Variants in GGN observed in about 807,000 individuals in gnomAD.
GGN encodes gametogenetin.
In GGN, 27 loss-of-function variants were observed where a neutral mutation model predicts 35.5. The observed-to-expected ratio is 0.76, with a 90% CI of 0.56 to 1.05. The LOEUF (loss-of-function observed/expected upper bound fraction) is 1.05, where lower values mean the gene tolerates loss of function less well. Among genes scored for constraint, GGN ranks in the 50% least tolerant of loss-of-function variants. The pLI is 0.00. For missense variants in GGN, 1,006 were observed against 940.7 expected (o/e 1.07, Z -0.91); for synonymous variants, 425 against 444.1 (o/e 0.96, Z 0.54).
Position 38,386,318 on chromosome 19 carries a change from C to T in GGN, c.944G>A (p.Gly315Asp), listed in dbSNP as rs766333669. 1.9e-6 allele frequency: 3 copies of T among 1,611,590 alleles called. No homozygotes were observed. The highest frequency in any genetic ancestry group is 2.7e-5 in the African/African-American group (2 of 74,878). Residue 315 changes from glycine to aspartate, a missense_variant, in exon 3 of 4, where the codon GGT (glycine) becomes GAT (aspartate). By Grantham distance (94) the Gly-to-Asp change is moderately conservative (BLOSUM62 -1). Coordinates refer to ENST00000334928, the MANE Select transcript of GGN (RefSeq NM_152657.4). Reference protein sequence around the residue: ...VSRGAQEAEGGDGDGEGCSGP... With the variant: ...VSRGAQEAEGDDGDGEGCSGP... The stretch of plus-strand genomic sequence containing the variant: ...AGAGCACCCTTCGCCGTCTCCATCA[C>T]CTCCCTCGGCTTCCTGTGCCCCTCG...
rs1482386550 is a variant in GGN at position 38,385,788 on chromosome 19, G to C, written c.1474C>G (p.Gln492Glu). The change falls in exon 3 of 4, where the codon CAG becomes GAG. Residue 492 changes from glutamine (Q) to glutamate (E), a missense_variant. Gln to Glu is a conservative substitution (Grantham distance 29). Coordinates refer to ENST00000334928, the MANE Select transcript of GGN (RefSeq NM_152657.4). Reference sequence around the variant, plus strand: ...GGAGCCGGGGATGGGGCCGGGGCCTGGTCGGCGGCTAAGGCTGGGGGCAGA... The same window carrying C: ...GGAGCCGGGGATGGGGCCGGGGCCTCGTCGGCGGCTAAGGCTGGGGGCAGA... The part of the protein sequence containing the change: ...PALPPALAAD[Q>E]APAPSPAPAP... 1 of 1,552,610 alleles carries C rather than the reference G, an allele frequency of 6.4e-7. No individual in the cohort carries two copies. Among genetic ancestry groups the C allele is most frequent in the Non-Finnish European group, 8.7e-7 (1 of 1,153,848 alleles).
Position 38,385,239 on chromosome 19 carries a change from G to A in GGN, c.1841+182C>T, listed in dbSNP as rs114414569. Reference sequence around the variant, plus strand: ...TGGGCCAGGGTGTCCCCCTTTCCCCGTCAAAGGTCAGCATGGGATCATGGG... The same window carrying A: ...TGGGCCAGGGTGTCCCCCTTTCCCCATCAAAGGTCAGCATGGGATCATGGG... On this transcript the variant is annotated intron_variant, in intron 3 of 3. Transcript: ENST00000334928. Among the ~76,000 whole-genome samples the A allele has an allele frequency of 8.7e-3, 1,328 of 152,340 alleles. 21 individuals are homozygous for A. Among genetic ancestry groups the A allele is most frequent in the African/African-American group, 0.03 (1,229 of 41,568 alleles).
chr19:38,386,728 A>G lies in GGN; in HGVS notation c.534T>C (p.Pro178=), dbSNP rs1970733665. The G allele has an allele frequency of 2.5e-6, 4 of 1,608,806 alleles. No homozygotes were observed. Among genetic ancestry groups the G allele is most frequent in the Non-Finnish European group, 3.4e-6 (4 of 1,176,570 alleles). ...TGCGGTCCGCCGGCTGCCGTTCAGAAGGTAATGGTGGTGGCGGCTTCCAAG... is the reference window on the plus strand; with the variant it reads ...TGCGGTCCGCCGGCTGCCGTTCAGAGGGTAATGGTGGTGGCGGCTTCCAAG... ...LETWKPPPPL[P]SERQPADRRI... The change falls in exon 3 of 4, where the codon CCT becomes CCC. Residue 178 remains proline, a synonymous_variant. Transcript: ENST00000334928.
upstream of GGN, chr19:38,388,200 C>G (rs1177371769): frequency 3.7e-6 from 1 of 267,710 alleles, no homozygotes; most frequent in Non-Finnish European, 7.0e-6. Context: ...TAAGCTCCGC[C>G]TTTTTAAGAC....
chr19:38,386,546 A>C lies in GGN; in HGVS notation c.716T>G (p.Leu239Arg), dbSNP rs1450181132. 6.2e-7 allele frequency: 1 copy of C among 1,613,500 alleles called. No homozygotes were observed. Among genetic ancestry groups the C allele is most frequent in the East Asian group, 2.2e-5 (1 of 44,866 alleles). The change falls in exon 3 of 4, where the codon CTG (leucine) becomes CGG (arginine). Residue 239 changes from leucine to arginine, a missense_variant. Physicochemically the swap from Leu to Arg is moderately radical, Grantham distance 102. Coordinates refer to ENST00000334928, the MANE Select transcript of GGN (RefSeq NM_152657.4). The stretch of plus-strand genomic sequence containing the variant: ...GAAGGTGATTTTACACAGCAGGCTC[A>C]GACCGGACTCGGAATCCGCAGGCTG... ...MAQPADSESG[L>R]SLLCKITFKS...
Position 38,387,189 on chromosome 19 carries a change from C to G in GGN, c.73G>C (p.Asp25His). The change falls in exon 3 of 4, where the codon GAC becomes CAC. Residue 25 changes from aspartate to histidine, a missense_variant. Coordinates refer to ENST00000334928, the MANE Select transcript of GGN (RefSeq NM_152657.4). This position sits in a 1 kb window ranked among gnomAD's most constrained non-coding sequence, Gnocchi z 5.3. ...RKVQPSDRAPDSRRTSLVEPE... is the reference protein window; with the variant it reads ...RKVQPSDRAPHSRRTSLVEPE... ...TCCACCAGGGACGTCCGGCGGGAGT[C>G]GGGGGCGCGGTCCGAGGGCTGCACT... 6.3e-7 allele frequency: 1 copy of G among 1,591,110 alleles called. No homozygotes were observed.
In GGN at chr19:38,387,394, G is replaced by C; in HGVS notation, c.-19-114C>G. On this transcript the variant is annotated intron_variant, in intron 2 of 3. Coordinates refer to ENST00000334928, the MANE Select transcript of GGN (RefSeq NM_152657.4). This position sits in a 1 kb window ranked among gnomAD's most constrained non-coding sequence, Gnocchi z 5.3. ...GCCCCGCCCCTGTTCTCCAAGATCCGATCAGGCCCAAGTCCTTAGGTCGCA... is the reference window on the plus strand; with the variant it reads ...GCCCCGCCCCTGTTCTCCAAGATCCCATCAGGCCCAAGTCCTTAGGTCGCA... 1 of 1,430,470 alleles carries C rather than the reference G, an allele frequency of 7.0e-7. No individual in the cohort carries two copies. The highest frequency in any genetic ancestry group is 1.5e-5 in the South Asian group (1 of 67,552). 88.6% of individuals were successfully genotyped at this position (1,430,470 alleles called of 1,614,324 possible).
In GGN at chr19:38,386,501, G is replaced by C. The variant is rs1187754651; in HGVS notation, c.761C>G (p.Ala254Gly). 6.2e-7 allele frequency: 1 copy of C among 1,612,928 alleles called. No individual in the cohort carries two copies. Among genetic ancestry groups the C allele is most frequent in the Admixed American group, 1.7e-5 (1 of 60,032 alleles). The change falls in exon 3 of 4, where the codon GCC becomes GGC. Residue 254 changes from alanine (A) to glycine (G), a missense_variant. Coordinates refer to ENST00000334928, the MANE Select transcript of GGN (RefSeq NM_152657.4). Reference sequence around the variant, plus strand: ...TAAGGAACTCGAGGCTGCCGGAGGGGCCAAAGAGGGCCTCGACTTGAAGGT... The same window carrying C: ...TAAGGAACTCGAGGCTGCCGGAGGGCCCAAAGAGGGCCTCGACTTGAAGGT... ...KITFKSRPSL[A>G]PPAASSSLAA...
chr19:38,386,439 C>T lies in GGN; in HGVS notation c.823G>A (p.Gly275Ser), dbSNP rs943994547. 4 of 1,612,624 alleles carry T rather than the reference C, an allele frequency of 2.5e-6. No homozygotes were observed. In the African/African-American group the frequency reaches 5.3e-5, roughly 22 times the overall value. ...ATGGCACCTGAGGCAGCAAAGAGGC[C>T]GCCGCCTCCGCCGCCCCCCAGCGAA... is the stretch of plus-strand genomic sequence containing the variant. ...KASLGGGGGGGLFAASGAISY... is the reference protein window; with the variant it reads ...KASLGGGGGGSLFAASGAISY... Residue 275 changes from glycine (G) to serine (S), a missense_variant, in exon 3 of 4, where the codon GGC becomes AGC. Physicochemically the swap from Gly to Ser is moderately conservative, Grantham distance 56. Transcript: ENST00000334928.
chr19:38,386,247 G>C lies in GGN; in HGVS notation c.1015C>G (p.Pro339Ala). 6.2e-7 allele frequency: 1 copy of C among 1,610,018 alleles called. No homozygotes were observed. The highest frequency in any genetic ancestry group is 8.5e-7 in the Non-Finnish European group (1 of 1,179,030). ...GAGCCTGGGAAGGTGGTGTAGGGTG[G>C]CGGCGGTAGGGCCCGGGCTTGGGAC... ...PASQARALPP[P>A]PYTTFPGSKP... is the part of the protein sequence containing the mutation. The change falls in exon 3 of 4, where the codon CCA (proline) becomes GCA (alanine). Residue 339 changes from proline (P) to alanine (A), a missense_variant. By Grantham distance (27) the Pro-to-Ala change is conservative. Coordinates refer to ENST00000334928, the MANE Select transcript of GGN (RefSeq NM_152657.4).
In GGN at chr19:38,384,548, G is replaced by A. The variant is rs1970678868; in HGVS notation, c.1842-19C>T. 1.9e-6 allele frequency: 3 copies of A among 1,592,624 alleles called. No homozygotes were observed. The highest frequency in any genetic ancestry group is 1.3e-5 in the African/African-American group (1 of 74,576). On this transcript the variant is annotated intron_variant, in intron 3 of 3. Coordinates refer to ENST00000334928, the MANE Select transcript of GGN (RefSeq NM_152657.4). ...GCTCAGCCTAGTGGGGGAGGGTAGA[G>A]TCAGCAAAGCCCAGCAATGGGACCA... is the stretch of plus-strand genomic sequence containing the variant.
chr19:38,386,369 G>A lies in GGN; in HGVS notation c.893C>T (p.Ala298Val). The A allele has an allele frequency of 6.2e-7, 1 of 1,613,058 alleles. No individual in the cohort carries two copies. Among genetic ancestry groups the A allele is most frequent in the Non-Finnish European group, 8.5e-7 (1 of 1,179,850 alleles). Residue 298 changes from alanine (A) to valine (V), a missense_variant, in exon 3 of 4, where the codon GCC (alanine) becomes GTC (valine). Ala to Val is a moderately conservative substitution (Grantham distance 64). Transcript: ENST00000334928. ...AGAAACCTCTCCCAAGGGGCGAGCG[G>A]CTCCAGGAGGCAGGGGCCCTTGCTT... ...VLKQGPLPPG[A>V]ARPLGEVSRG...
Position 38,385,349 on chromosome 19 carries a change from G to A in GGN, c.1841+72C>T, listed in dbSNP as rs930818717. Reference sequence around the variant, plus strand: ...CCACGGGTCATTCTAGGGTCAGGAAGCCAAAGGGCTGAGTAGGACTCTATC... The same window carrying A: ...CCACGGGTCATTCTAGGGTCAGGAAACCAAAGGGCTGAGTAGGACTCTATC... On this transcript the variant is annotated intron_variant, in intron 3 of 3. Transcript: ENST00000334928. 1.3e-5 allele frequency: 20 copies of A among 1,594,918 alleles called. No individual in the cohort carries two copies. In the South Asian group the frequency reaches 1.7e-4, roughly 13 times the overall value.
At position 38,387,138 on chromosome 19, in the gene GGN, G is replaced by T. The variant is rs752272715; in HGVS notation, c.124C>A (p.Arg42Ser). The change falls in exon 3 of 4, where the codon CGC becomes AGC. Residue 42 changes from arginine (R) to serine (S), a missense_variant. Transcript: ENST00000334928. This position sits in a 1 kb window ranked among gnomAD's most constrained non-coding sequence, Gnocchi z 5.3. ...VEPEMTSQAM[R>S]LTRGLGVWFP... ...CAGACACCCAGCCCACGAGTCAGGC[G>T]CATGGCCTGGGAGGTCATCTCGGGC... The T allele has an allele frequency of 5.7e-6, 9 of 1,573,198 alleles. No homozygotes were observed. The highest frequency in any genetic ancestry group is 1.4e-5 in the African/African-American group (1 of 73,738).
rs534749596 is a variant in GGN, at chr19:38,385,642, C to T, written c.1620G>A (p.Lys540=). The T allele has an allele frequency of 2.5e-6, 4 of 1,614,066 alleles. 1 individual carries two copies. The Admixed American group carries it at 6.7e-5, about 27-fold the overall frequency. Residue 540 remains lysine, a synonymous_variant, in exon 3 of 4, where the codon AAG becomes AAA. Transcript: ENST00000334928. ...GSRAARGATR[K]DGLHGDGPRE... Reference sequence around the variant, plus strand: ...GAGGACCATCTCCATGCAAGCCATCCTTACGGGTCGCGCCCCGGGCTGCAC... The same window carrying T: ...GAGGACCATCTCCATGCAAGCCATCTTTACGGGTCGCGCCCCGGGCTGCAC...
chr19:38,384,282 G>T lies in GGN; in HGVS notation c.*130C>A. 1 of 713,628 alleles carries T rather than the reference G, an allele frequency of 1.4e-6. No individual in the cohort carries two copies. Among genetic ancestry groups the T allele is most frequent in the Non-Finnish European group, 2.5e-6 (1 of 399,914 alleles). 44.2% of individuals were successfully genotyped at this position (713,628 alleles called of 1,614,324 possible). On this transcript the variant is annotated 3_prime_UTR_variant, in exon 4 of 4. Coordinates refer to ENST00000334928, the MANE Select transcript of GGN (RefSeq NM_152657.4). ...AGCTTCACGATTGTTTCCAAGATGT[G>T]CTTTAATGGCGATCCTGCCCTGCTG...
Position 38,384,460 on chromosome 19 carries a change from C to T in GGN, c.1911G>A (p.Leu637=), listed in dbSNP as rs1970676354. Reference sequence around the variant, plus strand: ...AGTCGTAGTGCTCCAGCTTGGCCACCAGAGAGCCGGACAGCTTGATGGTGG... The same window carrying T: ...AGTCGTAGTGCTCCAGCTTGGCCACTAGAGAGCCGGACAGCTTGATGGTGG... ...WVATIKLSGS[L]VAKLEHYDLQ... The change falls in exon 4 of 4, where the codon CTG becomes CTA. Residue 637 remains leucine (L), a synonymous_variant. Transcript: ENST00000334928. The T allele has an allele frequency of 2.5e-6, 4 of 1,613,908 alleles. No individual in the cohort carries two copies. Among genetic ancestry groups the T allele is most frequent in the African/African-American group, 1.3e-5 (1 of 74,922 alleles).
Position 38,385,880 on chromosome 19 carries a change from A to G in GGN, c.1382T>C (p.Val461Ala). The G allele has an allele frequency of 4.5e-6, 7 of 1,549,656 alleles. No individual in the cohort carries two copies. Among genetic ancestry groups the G allele is most frequent in the Non-Finnish European group, 6.1e-6 (7 of 1,149,990 alleles). The change falls in exon 3 of 4, where the codon GTG becomes GCG. Residue 461 changes from valine to alanine, a missense_variant. Transcript: ENST00000334928. ...PPALQPTPLP[V>A]APPLTPGLGH... The stretch of plus-strand genomic sequence containing the variant: ...CAGACCCGGGGTGAGCGGGGGAGCC[A>G]CCGGCAGCGGCGTTGGCTGGAGCGC...
intron 3 of GGN, among the ~76,000 whole-genome samples, 183 bp downstream of exon 3, chr19:38,385,238 C>T (rs542221680): frequency 1.3e-4 from 20 of 152,334 alleles, no homozygotes; most frequent in South Asian, 2.1e-4. Flanking sequence ...CCCCTTTCCC[C>T]GTCAAAGGTC....
Sources: gnomAD v4.1 joint callset for allele counts (sites outside exome capture counted in the v4.1 genomes callset) on GRCh38, gnomAD v4.1.1 for gene constraint, Gnocchi (gnomAD v3.1) non-coding constraint, MANE v1.5 for transcripts, NCBI Gene and HGNC (gene_info 2026-07-23, HGNC 2026-07-21) for gene names.